CCSER1: variants seen among roughly 807,000 people sequenced by gnomAD.
CCSER1 encodes the protein coiled-coil serine rich protein 1, also known as serine-rich coiled-coil domain-containing protein 1.
CCSER1 carries 41 observed loss-of-function variants against 82.0 expected under a neutral mutation model. That is an observed-to-expected ratio of 0.50 (90% CI 0.39 to 0.65). CCSER1 has a LOEUF of 0.65. Among genes scored for constraint, CCSER1 ranks in the 30% least tolerant of loss-of-function variants. The pLI is 0.00. For synonymous variants in CCSER1, 414 were observed against 383.9 expected (o/e 1.08, Z -0.92); for missense variants, 1,119 against 1,064.2 (o/e 1.05, Z -0.72).
intron 8 of CCSER1, among the ~76,000 whole-genome samples, chr4:90,909,669 C>T (rs1283413383): frequency 6.6e-6 from 1 of 152,134 alleles, no homozygotes; most frequent in Admixed American, 6.5e-5. Flanking sequence ...TAACTCAAAG[C>T]CATCTCTTTT....
At chr4:91,224,085 G>A (rs994000473) in intron 10 of CCSER1, among the ~76,000 whole-genome samples, 2 of 150,498 alleles carry the variant, frequency 1.3e-5, no homozygotes, top group African/African-American at 4.9e-5. Context: ...GAAATAGTGC[G>A]GTGACTGAGC....
intron 10 of CCSER1, among the ~76,000 whole-genome samples, chr4:91,377,789 A>G (rs987982285): frequency 8.5e-5 from 13 of 152,076 alleles, no homozygotes; most frequent in African/African-American, 3.1e-4. Flanking sequence ...TTTTGTTGCC[A>G]TTGCTTTTGG....
chr4:90,921,996 A>G (rs1459584898), intron 8 of CCSER1, among the ~76,000 whole-genome samples: 1 of 151,962 alleles, frequency 6.6e-6, no homozygotes, highest in Non-Finnish European at 1.5e-5. Flanking sequence ...AAATGCAGCC[A>G]CATTTTTACT....
At chr4:90,305,185 G>A (rs977472097) in intron 1 of CCSER1, among the ~76,000 whole-genome samples, 4 of 152,084 alleles carry the variant, frequency 2.6e-5, no homozygotes, top group African/African-American at 9.7e-5. Flanking sequence ...CAAAGTGCTG[G>A]GATTACAGGC....
At chr4:91,290,575 G>A (rs1277908820) in intron 10 of CCSER1, among the ~76,000 whole-genome samples, 1 of 151,826 alleles carries the variant, frequency 6.6e-6, no homozygotes, top group Non-Finnish European at 1.5e-5. Context: ...AACCAATACT[G>A]AACTATTAAA....
At chr4:90,448,572 A>G (rs932463139) in intron 4 of CCSER1, among the ~76,000 whole-genome samples, 4 of 150,324 alleles carry the variant, frequency 2.7e-5, no homozygotes, top group Non-Finnish European at 4.4e-5. Context: ...CTCCCTTGAA[A>G]TCTTCGTTCA....
At chr4:91,301,558 G>A (rs1560576253) in intron 10 of CCSER1, among the ~76,000 whole-genome samples, 2 of 149,050 alleles carry the variant, frequency 1.3e-5, no homozygotes, top group Middle Eastern at 3.5e-3. Context: ...ATATATATAT[G>A]TACAAAATAG....
At chr4:90,503,673 T>C (rs953806225) in intron 5 of CCSER1, among the ~76,000 whole-genome samples, 2 of 152,252 alleles carry the variant, frequency 1.3e-5, no homozygotes, top group East Asian at 3.9e-4. Flanking sequence ...TTTGGTTTTT[T>C]CTCCTTGCGA....
At chr4:91,344,848 A>G (rs1436460685) in intron 10 of CCSER1, among the ~76,000 whole-genome samples, 1 of 152,198 alleles carries the variant, frequency 6.6e-6, no homozygotes, top group African/African-American at 2.4e-5. Context: ...TACTCAAAAT[A>G]AATGAATTAT....
chr4:90,728,314 C>G (rs1744055196), intron 7 of CCSER1, among the ~76,000 whole-genome samples: 1 of 152,134 alleles, frequency 6.6e-6, no homozygotes, highest in African/African-American at 2.4e-5. Flanking sequence ...TAAAGAAACT[C>G]CAAGCTTCTC....
At chr4:91,378,661 G>C (rs1315675607) in intron 10 of CCSER1, among the ~76,000 whole-genome samples, 3 of 152,144 alleles carry the variant, frequency 2.0e-5, no homozygotes, top group Non-Finnish European at 2.9e-5. Context: ...CTGAGATGAT[G>C]GGGTTTTCTA....
chr4:91,201,118 C>T (rs1735873469), intron 10 of CCSER1, among the ~76,000 whole-genome samples: 1 of 152,028 alleles, frequency 6.6e-6, no homozygotes, highest in Non-Finnish European at 1.5e-5. Context: ...GGCTGTTCTC[C>T]AGCATCCTCA....
At chr4:91,198,481 G>C (rs1735633878) in intron 10 of CCSER1, among the ~76,000 whole-genome samples, 1 of 152,178 alleles carries the variant, frequency 6.6e-6, no homozygotes, top group East Asian at 1.9e-4. Flanking sequence ...TAAATGAGAG[G>C]GTTCTGTAGA....
At chr4:90,141,618 G>C (rs1208470223) in intron 1 of CCSER1, among the ~76,000 whole-genome samples, 1 of 152,188 alleles carries the variant, frequency 6.6e-6, no homozygotes, top group Non-Finnish European at 1.5e-5. Context: ...AGGAGACTGT[G>C]TCTTTTAAGT....
At chr4:90,335,226 A>T (rs1204716484) in intron 3 of CCSER1, among the ~76,000 whole-genome samples, 3 of 152,236 alleles carry the variant, frequency 2.0e-5, no homozygotes, top group Non-Finnish European at 4.4e-5. Context: ...AAAATACGTC[A>T]TGGCAAAGAA....
intron 10 of CCSER1, among the ~76,000 whole-genome samples, chr4:91,217,410 G>A (rs895978899): frequency 1.3e-5 from 2 of 152,226 alleles, no homozygotes; most frequent in African/African-American, 4.8e-5. Context: ...GTTAGATGCA[G>A]AGTCTCAACA....
intron 1 of CCSER1, among the ~76,000 whole-genome samples, chr4:90,176,348 C>T (rs1252886609): frequency 6.6e-6 from 1 of 151,990 alleles, no homozygotes; most frequent in African/African-American, 2.4e-5. Flanking sequence ...ACACAGGATA[C>T]AGTTTTTGCA....
intron 1 of CCSER1, among the ~76,000 whole-genome samples, chr4:90,150,198 C>A (rs1395697302): frequency 1.3e-5 from 2 of 152,166 alleles, no homozygotes; most frequent in African/African-American, 2.4e-5. Context: ...TGAATATGTG[C>A]AGATTCTGGT....
rs76677686 is a variant in CCSER1 at position 90,459,679 on chromosome 4, G to A, written c.1604-8555G>A. On this transcript the variant is annotated intron_variant, in intron 4 of 10. Transcript: ENST00000509176. Reference sequence around the variant, plus strand: ...TCTTCTTCTTAAAAGGGCACCAGTCGTACTGGATTAGCGCCCACCATAATG... The same window carrying A: ...TCTTCTTCTTAAAAGGGCACCAGTCATACTGGATTAGCGCCCACCATAATG... 9.8e-3 allele frequency among the ~76,000 whole-genome samples: 1,481 copies of A among 151,846 alleles called. 23 individuals are homozygous for A. The highest frequency in any genetic ancestry group is 0.034 in the African/African-American group (1,402 of 41,294).
Sources: gnomAD v4.1 joint callset for allele counts (sites outside exome capture counted in the v4.1 genomes callset) on GRCh38, gnomAD v4.1.1 for gene constraint, MANE v1.5 for transcripts, NCBI Gene and HGNC (gene_info 2026-07-23, HGNC 2026-07-21) for gene names.